The following FRMD3 variants were observed in gnomAD, a reference collection of about 807,000 sequenced individuals.
The protein encoded by FRMD3 is FERM domain-containing protein 3.
In FRMD3, 33 loss-of-function variants were observed where a neutral mutation model predicts 70.2. The ratio of observed to expected loss-of-function variants is 0.47; its 90% CI spans 0.36 to 0.63. FRMD3 has a LOEUF of 0.63. Ranked by LOEUF, FRMD3 falls within the 20% of genes least tolerant of loss-of-function variation. FRMD3 has a pLI of 0.00. For synonymous variants in FRMD3, 279 were observed against 255.9 expected (o/e 1.09, Z -0.86); for missense variants, 632 against 711.4 (o/e 0.89, Z 1.27).
At chr9:83,509,332 T>G (rs901062052) in intron 1 of FRMD3, among the ~76,000 whole-genome samples, 1 of 152,216 alleles carries the variant, frequency 6.6e-6, no homozygotes, top group Non-Finnish European at 1.5e-5. Context: ...ATGGGTTAGG[T>G]TTAAATTCAA....
chr9:83,491,137 C>A (rs1261612738), intron 1 of FRMD3, among the ~76,000 whole-genome samples: 1 of 152,016 alleles, frequency 6.6e-6, no homozygotes, highest in Non-Finnish European at 1.5e-5. Context: ...CTGTGTAATA[C>A]CTAGAACACT....
chr9:83,507,810 G>A (rs1829238703), intron 1 of FRMD3, among the ~76,000 whole-genome samples: 1 of 141,644 alleles, frequency 7.1e-6, no homozygotes, highest in Non-Finnish European at 1.5e-5. Context: ...TAAGTAGAAG[G>A]AGTACACTCC....
chr9:83,414,018 A>G (rs1051982474), intron 1 of FRMD3, among the ~76,000 whole-genome samples: 1 of 152,194 alleles, frequency 6.6e-6, no homozygotes, highest in Non-Finnish European at 1.5e-5. Flanking sequence ...TTCAGCTTCC[A>G]GAAAGCTTAG....
chr9:83,415,272 C>T (rs1179963068), intron 1 of FRMD3, among the ~76,000 whole-genome samples: 1 of 152,150 alleles, frequency 6.6e-6, no homozygotes, highest in African/African-American at 2.4e-5. Flanking sequence ...TCCATCAGGT[C>T]AGCCATCTGG....
chr9:83,358,953 T>C (rs1361313254), intron 3 of FRMD3, among the ~76,000 whole-genome samples: 3 of 152,144 alleles, frequency 2.0e-5, no homozygotes, highest in African/African-American at 7.2e-5. Flanking sequence ...GAAATATGTG[T>C]AAATAAGCCA....
At chr9:83,447,006 T>C (rs557342770) in intron 1 of FRMD3, among the ~76,000 whole-genome samples, 8 of 150,352 alleles carry the variant, frequency 5.3e-5, no homozygotes, top group Non-Finnish European at 1.0e-4. Context: ...TTGTTTTGTT[T>C]TGTTTTGTTT....
At chr9:83,534,630 T>C (rs1392426932) in intron 1 of FRMD3, among the ~76,000 whole-genome samples, 2 of 152,202 alleles carry the variant, frequency 1.3e-5, no homozygotes, top group Non-Finnish European at 2.9e-5. Context: ...AGTTTCTGGC[T>C]TGGTTCATCT....
At chr9:83,341,513 TC>T (rs1823757403) in intron 5 of FRMD3, among the ~76,000 whole-genome samples, 1 of 152,040 alleles carries the variant, frequency 6.6e-6, no homozygotes, top group African/African-American at 2.4e-5. Context: ...TAGTATCGAT[TC>T]CCTTGTCTCT....
chr9:83,441,541 C>A (rs1013472109), intron 1 of FRMD3, among the ~76,000 whole-genome samples: 3 of 152,120 alleles, frequency 2.0e-5, no homozygotes, highest in Non-Finnish European at 4.4e-5. Context: ...TGGACCCCAG[C>A]CAGAATGATC....
At chr9:83,531,440 T>A (rs888346898) in intron 1 of FRMD3, among the ~76,000 whole-genome samples, 3 of 152,226 alleles carry the variant, frequency 2.0e-5, no homozygotes, top group Non-Finnish European at 4.4e-5. Context: ...ACATTACATT[T>A]TTTTAGGATA....
intron 1 of FRMD3, among the ~76,000 whole-genome samples, chr9:83,446,023 T>C (rs946646465): frequency 6.6e-6 from 1 of 152,170 alleles, no homozygotes; most frequent in African/African-American, 2.4e-5. Flanking sequence ...ACTCCATAAA[T>C]ATGAGAACTG....
intron 1 of FRMD3, among the ~76,000 whole-genome samples, chr9:83,441,482 G>A (rs1827293075): frequency 6.6e-6 from 1 of 152,114 alleles, no homozygotes; most frequent in South Asian, 2.1e-4. Context: ...ATTGAGCCAA[G>A]TAGATAAATA....
rs113084684 is a variant in FRMD3, at chr9:83,324,963, G to A, written c.596+10553C>T. 1.6e-4 allele frequency among the ~76,000 whole-genome samples: 24 copies of A among 152,238 alleles called. No homozygotes were observed. The East Asian group carries it at 2.3e-3, about 15-fold the overall frequency. Reference sequence around the variant, plus strand: ...AAGAGCCATCTGCCTGCTCTCCTGCGTGCCATGGCACAGCATTTCAAAATG... The same window carrying A: ...AAGAGCCATCTGCCTGCTCTCCTGCATGCCATGGCACAGCATTTCAAAATG... On this transcript the variant is annotated intron_variant, in intron 6 of 13. Transcript: ENST00000304195.
At chr9:83,289,279 T>C (rs554380419) in intron 13 of FRMD3, among the ~76,000 whole-genome samples, 5 of 152,272 alleles carry the variant, frequency 3.3e-5, no homozygotes, top group African/African-American at 1.2e-4. Context: ...TCATTTGGCA[T>C]GGAACTTACA....
At chr9:83,452,472 T>TG (rs991804931) in intron 1 of FRMD3, among the ~76,000 whole-genome samples, 5 of 60,522 alleles carry the variant, frequency 8.3e-5, no homozygotes, top group African/African-American at 2.2e-4. Flanking sequence ...ATGCTTGAGT[T>TG]GTTTTTTTTG....
rs111573345 is a variant in FRMD3 at position 83,491,023 on chromosome 9, A to G, written c.147+47062T>C. The stretch of plus-strand genomic sequence containing the variant: ...CACCACATTTATATTTCACTCTAGG[A>G]TAATCACAATAAATATTAGCCTATT... On this transcript the variant is annotated intron_variant, in intron 1 of 13. Coordinates refer to ENST00000304195, the MANE Select transcript of FRMD3 (RefSeq NM_174938.6). 3.6e-3 allele frequency among the ~76,000 whole-genome samples: 552 copies of G among 152,296 alleles called. 3 individuals are homozygous for G. Among genetic ancestry groups the G allele is most frequent in the African/African-American group, 0.013 (524 of 41,554 alleles).
rs115623584 is a variant in FRMD3 at position 83,431,962 on chromosome 9, C to T, written c.148-42254G>A. Reference sequence around the variant, plus strand: ...GTTCAATGTGGGACTTGGGCTTCTTCAGAGAAACCCTAGCACTCTTCAGAA... The same window carrying T: ...GTTCAATGTGGGACTTGGGCTTCTTTAGAGAAACCCTAGCACTCTTCAGAA... On this transcript the variant is annotated intron_variant, in intron 1 of 13. Coordinates refer to ENST00000304195, the MANE Select transcript of FRMD3 (RefSeq NM_174938.6). Among the ~76,000 whole-genome samples the T allele has an allele frequency of 3.5e-3, 526 of 152,308 alleles. 3 individuals are homozygous for T. The highest frequency in any genetic ancestry group is 0.012 in the African/African-American group (488 of 41,558).
At chr9:83,524,479 G>T (rs1004047879) in intron 1 of FRMD3, among the ~76,000 whole-genome samples, 1 of 152,194 alleles carries the variant, frequency 6.6e-6, no homozygotes, top group African/African-American at 2.4e-5. Flanking sequence ...TTGGATGACA[G>T]TTCCAAGACA....
intron 1 of FRMD3, among the ~76,000 whole-genome samples, chr9:83,390,751 G>A (rs928253203): frequency 2.0e-5 from 3 of 152,108 alleles, no homozygotes; most frequent in South Asian, 2.1e-4. Flanking sequence ...AATCAAAGTC[G>A]CTGACAGACC....
Sources: gnomAD v4.1 joint callset for allele counts (sites outside exome capture counted in the v4.1 genomes callset) on GRCh38, gnomAD v4.1.1 for gene constraint, MANE v1.5 for transcripts, NCBI Gene and HGNC (gene_info 2026-07-23, HGNC 2026-07-21) for gene names.